The following SAMD12 variants were observed in gnomAD, a reference collection of about 807,000 sequenced individuals.
SAMD12 encodes sterile alpha motif domain containing 12, also known as sterile alpha motif domain-containing protein 12.
A neutral mutation model predicts 15.0 loss-of-function variants in SAMD12; 9 were observed. That is an observed-to-expected ratio of 0.60 (90% CI 0.36 to 1.05). The LOEUF is 1.05. SAMD12 is among the 50% of genes least tolerant of loss of function. The pLI is 0.01. For missense variants in SAMD12, 230 were observed against 234.2 expected, an observed-to-expected ratio of 0.98 and a Z score of 0.12; for synonymous variants, 86 against 90.1, an observed-to-expected ratio of 0.96 and a Z score of 0.25.
chr8:118,480,219 T>C (rs1222878778), intron 2 of SAMD12, among the ~76,000 whole-genome samples: 2 of 152,132 alleles, frequency 1.3e-5, no homozygotes, highest in Non-Finnish European at 2.9e-5. Context: ...AAGTGAAAGA[T>C]AGCAGTGGGT....
chr8:118,519,549 C>A lies in SAMD12; in HGVS notation c.192+61166G>T, dbSNP rs2131087597. Among the ~76,000 whole-genome samples, 3 of 152,234 alleles carry A rather than the reference C, an allele frequency of 2.0e-5. 1 individual carries two copies. In the South Asian group the frequency reaches 6.2e-4, roughly 32 times the overall value. On this transcript the variant is annotated intron_variant, in intron 2 of 3. Transcript: ENST00000314727. ...TACATCCATTCTAAAGTACATAGAG[C>A]ATAATGTTACTCTTTTTGATGACTT...
intron 4 of SAMD12, among the ~76,000 whole-genome samples, chr8:118,335,473 T>C (rs1817012196): frequency 1.3e-5 from 2 of 152,312 alleles, no homozygotes; most frequent in Non-Finnish European, 1.5e-5. Flanking sequence ...AAATCGTACC[T>C]AGCAAAGAAT....
At chr8:118,205,598 A>C (rs1469853596) in intron 4 of SAMD12, among the ~76,000 whole-genome samples, 1 of 152,240 alleles carries the variant, frequency 6.6e-6, no homozygotes, top group East Asian at 1.9e-4. Context: ...TTAAGCGAGA[A>C]ATACAAGGTC....
intron 1 of SAMD12, among the ~76,000 whole-genome samples, chr8:118,620,350 T>C (rs1049586831): frequency 1.4e-5 from 2 of 148,002 alleles, no homozygotes; most frequent in East Asian, 2.0e-4. Context: ...ATCTCGGCTT[T>C]TGTTTTGTTC....
intron 1 of SAMD12, among the ~76,000 whole-genome samples, chr8:118,600,786 C>CTT (rs371897277): frequency 6.8e-6 from 1 of 147,968 alleles, no homozygotes; most frequent in Non-Finnish European, 1.5e-5. Flanking sequence ...GCCATTTGTG[C>CTT]TTTTTTTTTT....
chr8:118,157,676 G>A, the SAMD12 span, among the ~76,000 whole-genome samples: 2 of 152,282 alleles, frequency 1.3e-5, no homozygotes, highest in Non-Finnish European at 2.9e-5. Flanking sequence ...GAGCTATTTC[G>A]TTACTGTTTT....
At chr8:118,611,930 A>C (rs984902709) in intron 1 of SAMD12, among the ~76,000 whole-genome samples, 1 of 152,164 alleles carries the variant, frequency 6.6e-6, no homozygotes, top group Admixed American at 6.5e-5. Flanking sequence ...GCTGAGTAAA[A>C]TGTGGCCTTT....
intron 4 of SAMD12, among the ~76,000 whole-genome samples, chr8:118,324,878 G>T (rs1264415950): frequency 6.6e-6 from 1 of 152,146 alleles, no homozygotes; most frequent in Non-Finnish European, 1.5e-5. Context: ...TCAGAGTAGT[G>T]ATCATGTATG....
At position 118,391,115 on chromosome 8, in the gene SAMD12, A is replaced by G. The variant is rs554166057; in HGVS notation, c.323-11415T>C. ...ACAGCGTTTGTTAGTACATGTGATT[A>G]CCAAATCCCATCCAAAAAATTAATT... On this transcript the variant is annotated intron_variant, in intron 3 of 3. Transcript: ENST00000314727. 6.9e-4 allele frequency among the ~76,000 whole-genome samples: 105 copies of G among 152,306 alleles called. 1 individual carries two copies. Among genetic ancestry groups the G allele is most frequent in the African/African-American group, 2.5e-3 (104 of 41,584 alleles).
At chr8:118,239,043 CTCATTG>C (rs1382062752) in intron 4 of SAMD12, among the ~76,000 whole-genome samples, 1 of 152,112 alleles carries the variant, frequency 6.6e-6, no homozygotes, top group African/African-American at 2.4e-5. Context: ...GAAATTAAGT[CTCATTG>C]TCATACACTG....
At chr8:118,595,907 T>A (rs1235299195) in intron 1 of SAMD12, among the ~76,000 whole-genome samples, 1 of 152,232 alleles carries the variant, frequency 6.6e-6, no homozygotes, top group African/African-American at 2.4e-5. Context: ...TGATAAATAT[T>A]CACTCCCCTC....
intron 4 of SAMD12, among the ~76,000 whole-genome samples, chr8:118,199,122 T>C (rs778151517): frequency 6.6e-6 from 1 of 152,188 alleles, no homozygotes; most frequent in African/African-American, 2.4e-5. Context: ...ATAAAGCTTA[T>C]ATATATGCAT....
chr8:118,320,758 T>C (rs1311454730), intron 4 of SAMD12, among the ~76,000 whole-genome samples: 1 of 151,242 alleles, frequency 6.6e-6, no homozygotes, highest in Admixed American at 6.6e-5. Context: ...ACGGTACATG[T>C]ATATATATGT....
chr8:118,132,991 TATATATATATATATATA>T, the SAMD12 span, among the ~76,000 whole-genome samples: 18 of 78,616 alleles, frequency 2.3e-4, no homozygotes, highest in Non-Finnish European at 3.8e-4. Context: ...TATATATATA[TATATATATATATATATA>T]TATATATATA....
intron 1 of SAMD12, among the ~76,000 whole-genome samples, chr8:118,585,694 T>C (rs1474101706): frequency 2.6e-5 from 4 of 152,224 alleles, no homozygotes; most frequent in Non-Finnish European, 4.4e-5. Flanking sequence ...GGAAAGGAAA[T>C]GTTCTCCAAA....
At chr8:118,462,551 T>C (rs1823455380) in intron 2 of SAMD12, among the ~76,000 whole-genome samples, 1 of 152,132 alleles carries the variant, frequency 6.6e-6, no homozygotes, top group Admixed American at 6.5e-5. Context: ...TACCTGTCTG[T>C]TCATATATCC....
At chr8:118,154,666 A>G in the SAMD12 span, among the ~76,000 whole-genome samples, 2 of 152,192 alleles carry the variant, frequency 1.3e-5, no homozygotes, top group African/African-American at 4.8e-5. Flanking sequence ...AGTATACACC[A>G]AGAATCTATA....
Position 118,218,320 on chromosome 8 carries a change from T to TAA in SAMD12, c.434-20590_434-20589dup, listed in dbSNP as rs201291079. 6.2e-3 allele frequency among the ~76,000 whole-genome samples: 944 copies of TAA among 152,312 alleles called. 14 individuals carry two copies. The highest frequency in any genetic ancestry group is 0.022 in the African/African-American group (910 of 41,554). Reference sequence around the variant, plus strand: ...GCAATGTAATATTTTGATATATATATAATTGTGAGATGAGTAAATCAAGCT... The same window carrying TAA: ...GCAATGTAATATTTTGATATATATATAAAATTGTGAGATGAGTAAATCAAGCT... On this transcript the variant is annotated intron_variant, in intron 4 of 4. Coordinates refer to the SAMD12 transcript ENST00000409003.
chr8:118,251,604 G>A (rs950679461), intron 4 of SAMD12, among the ~76,000 whole-genome samples: 7 of 151,962 alleles, frequency 4.6e-5, no homozygotes, highest in Non-Finnish European at 8.8e-5. Context: ...ACTGTTCTGC[G>A]TTGCTGGCCC....
Sources: gnomAD v4.1 joint callset for allele counts (sites outside exome capture counted in the v4.1 genomes callset) on GRCh38, gnomAD v4.1.1 for gene constraint, MANE v1.5 for transcripts, NCBI Gene and HGNC (gene_info 2026-07-23, HGNC 2026-07-21) for gene names.